The following GPHN variants were observed in gnomAD, a reference collection of about 807,000 sequenced individuals.
The protein encoded by GPHN is gephyrin.
GPHN carries 17 observed loss-of-function variants against 95.5 expected under a neutral mutation model. That is an observed-to-expected ratio of 0.18 (90% CI 0.12 to 0.27). The LOEUF (loss-of-function observed/expected upper bound fraction) is 0.27, where lower values mean the gene tolerates loss of function less well. GPHN is among the 10% of genes least tolerant of loss of function. The pLI is 1.00. For missense variants in GPHN, 660 were observed against 978.1 expected (o/e 0.67, Z 4.34); for synonymous variants, 320 against 322.5 (o/e 0.99, Z 0.08).
At chr14:66,915,188 C>G (rs2153557722) in intron 5 of GPHN, among the ~76,000 whole-genome samples, 1 of 152,170 alleles carries the variant, frequency 6.6e-6, no homozygotes, top group Middle Eastern at 3.4e-3. Flanking sequence ...AAAACTCAGT[C>G]AAGACATTTG....
At chr14:66,970,701 G>A (rs1177452876) in intron 9 of GPHN, among the ~76,000 whole-genome samples, 1 of 151,986 alleles carries the variant, frequency 6.6e-6, no homozygotes, top group Non-Finnish European at 1.5e-5. Flanking sequence ...AAGCTTCTTT[G>A]CTTTTGCTGA....
intron 1 of GPHN, among the ~76,000 whole-genome samples, chr14:66,649,855 C>T (rs750467231): frequency 3.3e-5 from 5 of 152,112 alleles, no homozygotes; most frequent in South Asian, 2.1e-4. Context: ...CTGGTGGTAA[C>T]GCTTTAAGTC....
intron 9 of GPHN, among the ~76,000 whole-genome samples, chr14:66,989,587 T>C (rs2071263856): frequency 6.6e-6 from 1 of 151,440 alleles, no homozygotes; most frequent in Non-Finnish European, 1.5e-5. Flanking sequence ...TTGTTCTGAT[T>C]ACCTTGTTTC....
chr14:66,880,627 T>C (rs1368900130), intron 5 of GPHN, among the ~76,000 whole-genome samples: 1 of 151,942 alleles, frequency 6.6e-6, no homozygotes, highest in Non-Finnish European at 1.5e-5. Context: ...GCTATGTTGA[T>C]GTGTTGTTGT....
At chr14:67,622,311 T>G in the GPHN span, among the ~76,000 whole-genome samples, 6 of 152,334 alleles carry the variant, frequency 3.9e-5, no homozygotes, top group East Asian at 5.8e-4. Context: ...TCTTCTCTGC[T>G]GGTCATAAGT....
intron 20 of GPHN, among the ~76,000 whole-genome samples, chr14:67,168,323 C>G (rs1178378670): frequency 6.6e-6 from 1 of 152,166 alleles, no homozygotes; most frequent in Non-Finnish European, 1.5e-5. Flanking sequence ...ACCTTAATTA[C>G]CTCCTTAAAG....
At chr14:67,401,374 T>C in the GPHN span, among the ~76,000 whole-genome samples, 2 of 151,852 alleles carry the variant, frequency 1.3e-5, no homozygotes, top group Admixed American at 6.6e-5. Context: ...TAGCCAGGCG[T>C]GGTGGCACGT....
the GPHN span, among the ~76,000 whole-genome samples, chr14:67,673,099 C>T: frequency 6.6e-6 from 1 of 152,202 alleles, no homozygotes; most frequent in African/African-American, 2.4e-5. Flanking sequence ...CTATTTAAAA[C>T]TGAAGTCCCA....
At chr14:67,667,857 T>C in the GPHN span, among the ~76,000 whole-genome samples, 1 of 152,146 alleles carries the variant, frequency 6.6e-6, no homozygotes, top group South Asian at 2.1e-4. Context: ...GGCAGAAGAA[T>C]GGCGTGAACC....
the GPHN span, among the ~76,000 whole-genome samples, chr14:67,716,702 G>A: frequency 1.3e-5 from 2 of 152,076 alleles, no homozygotes; most frequent in Non-Finnish European, 2.9e-5. Flanking sequence ...TGGTTAACAT[G>A]GTGAAACCCC....
At chr14:67,655,108 G>C in the GPHN span, among the ~76,000 whole-genome samples, 1 of 150,408 alleles carries the variant, frequency 6.6e-6, no homozygotes, top group Non-Finnish European at 1.5e-5. Flanking sequence ...GGGAGGCCAA[G>C]GTGGAATGAT....
At chr14:67,672,841 T>G in the GPHN span, among the ~76,000 whole-genome samples, 1 of 152,188 alleles carries the variant, frequency 6.6e-6, no homozygotes, top group Non-Finnish European at 1.5e-5. Flanking sequence ...GCACAAGTCT[T>G]TCACCATGGT....
the GPHN span, among the ~76,000 whole-genome samples, chr14:67,523,181 G>T: frequency 0.014 from 2,169 of 152,212 alleles, 50 homozygotes; most frequent in African/African-American, 0.049. Context: ...AAATTAGCTG[G>T]GTGTGGTGGC....
chr14:67,451,002 T>G, the GPHN span, among the ~76,000 whole-genome samples: 1 of 152,184 alleles, frequency 6.6e-6, no homozygotes, highest in Non-Finnish European at 1.5e-5. Flanking sequence ...AGGGACTTGG[T>G]GCCTTATGTC....
At chr14:67,330,455 A>ATTTTTTTT in the GPHN span, among the ~76,000 whole-genome samples, 1 of 117,808 alleles carries the variant, frequency 8.5e-6, no homozygotes. Flanking sequence ...ATTTCCCTTC[A>ATTTTTTTT]TTTTTTTTTT....
At chr14:67,056,835 C>A (rs978663628) in intron 10 of GPHN, among the ~76,000 whole-genome samples, 5 of 152,078 alleles carry the variant, frequency 3.3e-5, no homozygotes, top group African/African-American at 9.7e-5. Flanking sequence ...TCAGGCATGG[C>A]GGGCTGCAGG....
intron 2 of GPHN, among the ~76,000 whole-genome samples, chr14:66,698,446 GT>G (rs1203957764): frequency 5.3e-5 from 8 of 152,056 alleles, no homozygotes; most frequent in Admixed American, 3.3e-4. Flanking sequence ...TCTTACTGAT[GT>G]TGTCATACTC....
intron 5 of GPHN, among the ~76,000 whole-genome samples, chr14:66,894,740 A>C (rs1435329869): frequency 6.6e-6 from 1 of 152,246 alleles, no homozygotes; most frequent in Non-Finnish European, 1.5e-5. Context: ...TTATGCAGCC[A>C]ACAGACACAT....
intron 11 of GPHN, among the ~76,000 whole-genome samples, chr14:67,073,313 G>A (rs776199497): frequency 2.6e-5 from 4 of 151,998 alleles, no homozygotes; most frequent in Non-Finnish European, 4.4e-5. Flanking sequence ...CCCATTGGAC[G>A]TAAGTGCTAC....
Sources: allele counts gnomAD v4.1 joint callset (sites outside exome capture counted in the v4.1 genomes callset), GRCh38; gene constraint gnomAD v4.1.1; transcripts MANE v1.5; gene names NCBI Gene and HGNC (gene_info 2026-07-23, HGNC 2026-07-21).